The following PDE11A variants were observed in gnomAD, a reference collection of about 807,000 sequenced individuals.
PDE11A encodes the protein dual 3',5'-cyclic-AMP and -GMP phosphodiesterase 11A.
Under a neutral mutation model 100.5 loss-of-function variants are expected in PDE11A, and 100 were observed. The observed-to-expected ratio is 1.00, with a 90% CI of 0.85 to 1.18. The LOEUF is 1.18. Ranked by LOEUF, PDE11A falls within the 50% of genes most tolerant of loss-of-function variation. The pLI is 0.00. For synonymous variants in PDE11A, 381 were observed against 420.8 expected (o/e 0.91, Z 1.16); for missense variants, 1,141 against 1,152.6 (o/e 0.99, Z 0.15).
chr2:177,917,338 C>A (rs1258634159), intron 2 of PDE11A, among the ~76,000 whole-genome samples: 1 of 152,178 alleles, frequency 6.6e-6, no homozygotes, highest in African/African-American at 2.4e-5. Flanking sequence ...CCAGCACTGC[C>A]ATCACTCACC....
chr2:178,006,112 T>C (rs2086206660), intron 2 of PDE11A, among the ~76,000 whole-genome samples: 1 of 152,238 alleles, frequency 6.6e-6, no homozygotes, highest in Non-Finnish European at 1.5e-5. Flanking sequence ...TTCATTTTGT[T>C]CAATTATTGT....
intron 4 of PDE11A, among the ~76,000 whole-genome samples, chr2:177,887,249 C>T (rs1004551474): frequency 6.6e-6 from 1 of 152,088 alleles, no homozygotes; most frequent in Non-Finnish European, 1.5e-5. Context: ...TTCAAAAACA[C>T]ATAATTAATA....
intron 3 of PDE11A, among the ~76,000 whole-genome samples, chr2:177,904,558 T>C (rs951239569): frequency 6.1e-5 from 4 of 65,134 alleles, no homozygotes; most frequent in Non-Finnish European, 9.9e-5. Context: ...TTAATCTCCT[T>C]TTTTTTTTTT....
chr2:178,028,602 G>T (rs2086507451), intron 1 of PDE11A, among the ~76,000 whole-genome samples: 1 of 152,182 alleles, frequency 6.6e-6, no homozygotes. Flanking sequence ...GGATAGAGTT[G>T]ATTAGCTCCT....
Position 178,072,192 on chromosome 2 carries a change from G to A in PDE11A, c.246C>T (p.Ala82=). ...VGGGTGPNGS[A]HSQPLPGGGD... ...CGCCACCGGGAAGGGGCTGGCTGTG[G>A]GCAGAGCCATTTGGTCCAGTGCCAC... Residue 82 remains alanine, a synonymous_variant, in exon 1 of 20, where the codon GCC becomes GCT. Coordinates refer to ENST00000286063, the MANE Select transcript of PDE11A (RefSeq NM_016953.4). 1.2e-6 allele frequency: 2 copies of A among 1,613,880 alleles called. No homozygotes were observed. The highest frequency in any genetic ancestry group is 1.7e-6 in the Non-Finnish European group (2 of 1,179,896).
chr2:177,695,983 G>A (rs1185332025), intron 15 of PDE11A, among the ~76,000 whole-genome samples: 2 of 152,162 alleles, frequency 1.3e-5, no homozygotes, highest in East Asian at 3.9e-4. Flanking sequence ...ATTCGATGTG[G>A]GAATGGTGAT....
intron 5 of PDE11A, among the ~76,000 whole-genome samples, chr2:177,850,314 G>A (rs1052256134): frequency 3.3e-5 from 5 of 152,092 alleles, no homozygotes; most frequent in African/African-American, 1.2e-4. Flanking sequence ...AATGGTGCTG[G>A]GAAAACTGGC....
intron 13 of PDE11A, among the ~76,000 whole-genome samples, chr2:177,707,400 T>C (rs191249395): frequency 1.3e-3 from 191 of 152,300 alleles, no homozygotes; most frequent in Admixed American, 4.3e-3. Context: ...AACTCTGAAG[T>C]AGCCCAATTT....
At chr2:178,083,579 A>C (rs1456191575) in intron 2 of PDE11A, among the ~76,000 whole-genome samples, 1 of 152,226 alleles carries the variant, frequency 6.6e-6, no homozygotes, top group African/African-American at 2.4e-5. Context: ...TGTCGAGGGC[A>C]GTCATATAGA....
chr2:177,964,529 A>G (rs1255083876), intron 2 of PDE11A, among the ~76,000 whole-genome samples: 1 of 151,910 alleles, frequency 6.6e-6, no homozygotes, highest in Non-Finnish European at 1.5e-5. Context: ...TTTGATCTTC[A>G]CCCTCTTCCA....
intron 2 of PDE11A, among the ~76,000 whole-genome samples, chr2:177,952,134 A>C (rs2085512671): frequency 1.3e-5 from 2 of 152,176 alleles, no homozygotes; most frequent in African/African-American, 4.8e-5. Flanking sequence ...TTGCCATTAC[A>C]TGACAAAGTA....
At chr2:178,012,521 T>C (rs766850322) in intron 2 of PDE11A, among the ~76,000 whole-genome samples, 3 of 152,282 alleles carry the variant, frequency 2.0e-5, no homozygotes, top group African/African-American at 7.2e-5. Context: ...GTGTGAGCTG[T>C]GCATCCAAGC....
chr2:177,722,387 G>A (rs1221354325), intron 12 of PDE11A, among the ~76,000 whole-genome samples: 2 of 152,268 alleles, frequency 1.3e-5, no homozygotes, highest in East Asian at 3.9e-4. Flanking sequence ...GTGAGTTATG[G>A]AGGTTACTCT....
chr2:177,859,062 C>G (rs936407114), intron 5 of PDE11A, among the ~76,000 whole-genome samples: 18 of 151,870 alleles, frequency 1.2e-4, no homozygotes, highest in Non-Finnish European at 2.5e-4. Flanking sequence ...CACTTGGACA[C>G]AGGAAGGGGA....
intron 2 of PDE11A, among the ~76,000 whole-genome samples, chr2:178,007,701 T>G (rs1019500956): frequency 1.3e-5 from 2 of 152,120 alleles, no homozygotes; most frequent in Non-Finnish European, 2.9e-5. Flanking sequence ...TTTTCATTTA[T>G]TTATTTATTT....
intron 1 of PDE11A, among the ~76,000 whole-genome samples, chr2:178,022,650 G>T (rs1465307680): frequency 1.3e-5 from 2 of 151,960 alleles, no homozygotes; most frequent in Admixed American, 6.6e-5. Flanking sequence ...GGACTAGTAA[G>T]AAGGCAAAAA....
At position 177,624,049 on chromosome 2, in the gene PDE11A, T is replaced by C. The variant is rs925161320; in HGVS notation, c.*5358A>G. The C allele has an allele frequency of 2.0e-5, 3 of 152,238 alleles. No individual in the cohort carries two copies. Among genetic ancestry groups the C allele is most frequent in the Admixed American group, 6.5e-5 (1 of 15,286 alleles). 9.4% of individuals were successfully genotyped at this position (152,238 alleles called of 1,614,324 possible). A position where few individuals can be genotyped will look rare whatever the true frequency, so the allele number is the denominator to read the frequency against. ...CTTCACTTAGGAAGCTGGTGCAATT[T>C]TGGCCTTCTTGTAGTCAGACTTAAC... On this transcript the variant is annotated 3_prime_UTR_variant, in exon 20 of 20. Transcript: ENST00000286063.
At chr2:177,676,200 T>C (rs188521583) in intron 16 of PDE11A, 9 of 158,446 alleles carry the variant, frequency 5.7e-5, no homozygotes, top group Admixed American at 5.3e-4. Flanking sequence ...CCATAATTCA[T>C]ACGGAACCAT....
chr2:177,883,816 AGAGG>A (rs1329845212), intron 4 of PDE11A, among the ~76,000 whole-genome samples: 1 of 152,186 alleles, frequency 6.6e-6, no homozygotes, highest in African/African-American at 2.4e-5. Context: ...AGGTTACACA[AGAGG>A]GAGGGAGGGG....
Sources: gnomAD v4.1 joint callset for allele counts (sites outside exome capture counted in the v4.1 genomes callset) on GRCh38, gnomAD v4.1.1 for gene constraint, MANE v1.5 for transcripts, NCBI Gene and HGNC (gene_info 2026-07-23, HGNC 2026-07-21) for gene names.